Variants in TENM2 observed in about 807,000 individuals in gnomAD.
The protein encoded by TENM2 is teneurin transmembrane protein 2.
In TENM2, 52 loss-of-function variants were observed where a neutral mutation model predicts 245.2. The ratio of observed to expected loss-of-function variants is 0.21; its 90% CI spans 0.17 to 0.27. The LOEUF (loss-of-function observed/expected upper bound fraction) is 0.27. Among genes scored for constraint, TENM2 ranks in the 10% least tolerant of loss-of-function variants. The pLI is 1.00. For missense variants in TENM2, 3,046 were observed against 3,666.8 expected, an observed-to-expected ratio of 0.83 and a Z score of 4.37; for synonymous variants, 1,363 against 1,438.9, an observed-to-expected ratio of 0.95 and a Z score of 1.19.
At chr5:167,478,283 A>G (rs1767527732) in intron 2 of TENM2, among the ~76,000 whole-genome samples, 1 of 152,222 alleles carries the variant, frequency 6.6e-6, no homozygotes, top group Non-Finnish European at 1.5e-5. Flanking sequence ...TTGCTTTTAC[A>G]TAGAAGAGTA....
chr5:167,728,965 T>G (rs1760229892), intron 2 of TENM2: 1 of 152,246 alleles, frequency 6.6e-6, no homozygotes, highest in Non-Finnish European at 1.5e-5. Context: ...CAAACACTTG[T>G]CATTTAAAGG....
the TENM2 span, among the ~76,000 whole-genome samples, chr5:167,009,764 T>C: frequency 6.6e-6 from 1 of 152,178 alleles, no homozygotes; most frequent in East Asian, 1.9e-4. Flanking sequence ...AGCTTAAATC[T>C]AGTTCCCTGC....
At chr5:167,834,661 T>TTTTTTTTTTTTTTTTTTC in intron 2 of TENM2, among the ~76,000 whole-genome samples, 1 of 124,802 alleles carries the variant, frequency 8.0e-6, no homozygotes, top group Non-Finnish European at 1.8e-5. Flanking sequence ...TTTTTTTTTT[T>TTTTTTTTTTTTTTTTTTC]CTTTTTGAGA....
intron 2 of TENM2, among the ~76,000 whole-genome samples, chr5:167,710,573 A>G (rs559115108): frequency 1.8e-4 from 27 of 152,328 alleles, no homozygotes; most frequent in African/African-American, 6.3e-4. Context: ...AGGTGTGACA[A>G]TGAGAAATAG....
chr5:167,920,168 G>A (rs553441230), intron 3 of TENM2, among the ~76,000 whole-genome samples: 43 of 151,992 alleles, frequency 2.8e-4, no homozygotes, highest in African/African-American at 1.0e-3. Context: ...AATGAATGAG[G>A]ATTAAACGCC....
chr5:167,049,952 C>T, the TENM2 span, among the ~76,000 whole-genome samples: 3 of 152,124 alleles, frequency 2.0e-5, no homozygotes, highest in African/African-American at 7.2e-5. Context: ...TAACAGTAAG[C>T]ATGAGATGTA....
chr5:168,219,177 C>T (rs1171178311), intron 23 of TENM2, among the ~76,000 whole-genome samples, 178 bp downstream of exon 25: 3 of 152,198 alleles, frequency 2.0e-5, no homozygotes, highest in African/African-American at 4.8e-5. Context: ...ATGATTTGCT[C>T]TAATGGATCT....
chr5:167,053,619 C>T, the TENM2 span, among the ~76,000 whole-genome samples: 1 of 152,042 alleles, frequency 6.6e-6, no homozygotes, highest in South Asian at 2.1e-4. Context: ...GCCTGCAGTG[C>T]CAGTTACTTG....
the TENM2 span, among the ~76,000 whole-genome samples, chr5:167,202,971 C>T: frequency 0.022 from 3,405 of 152,168 alleles, 126 homozygotes; most frequent in African/African-American, 0.077. Context: ...CCACATTTTA[C>T]GGATGAGGGA....
chr5:168,051,196 T>A (rs578152578), intron 6 of TENM2, among the ~76,000 whole-genome samples: 2 of 152,344 alleles, frequency 1.3e-5, no homozygotes, highest in African/African-American at 4.8e-5. Context: ...AACTATCAAG[T>A]ATAGAATTGC....
chr5:167,681,221 C>T (rs1756683895), intron 2 of TENM2, among the ~76,000 whole-genome samples: 1 of 152,158 alleles, frequency 6.6e-6, no homozygotes, highest in Non-Finnish European at 1.5e-5. Context: ...TCTATATGCA[C>T]ACGGACACAC....
chr5:167,529,523 C>G (rs539667408), intron 2 of TENM2, among the ~76,000 whole-genome samples: 3 of 152,284 alleles, frequency 2.0e-5, no homozygotes, highest in Admixed American at 6.5e-5. Flanking sequence ...ACTTTCCTGT[C>G]TTTTGTAGAG....
intron 25 of TENM2, among the ~76,000 whole-genome samples, chr5:168,231,793 A>C (rs1236320209): frequency 6.6e-6 from 1 of 152,144 alleles, no homozygotes; most frequent in Non-Finnish European, 1.5e-5. Context: ...AAAAAAAAAA[A>C]AAGTTTAAAT....
At position 168,014,567 on chromosome 5, in the gene TENM2, T is replaced by G. The variant is rs180872551; in HGVS notation, c.1186+21385T>G. The stretch of plus-strand genomic sequence containing the variant: ...AAAAAAAAATTTTTCCACAAAGGCT[T>G]TCTTTGCTGCCTTAGAAACGCAAAT... On this transcript the variant is annotated intron_variant, in intron 5 of 28. Coordinates refer to ENST00000518659, the Ensembl canonical transcript of TENM2. Among the ~76,000 whole-genome samples, 53 of 152,318 alleles carry G rather than the reference T, an allele frequency of 3.5e-4. No individual in the cohort carries two copies. The East Asian group carries it at 9.8e-3, about 28-fold the overall frequency.
chr5:168,034,153 A>G (rs1352633251), intron 5 of TENM2, among the ~76,000 whole-genome samples: 67 of 104,438 alleles, frequency 6.4e-4, no homozygotes, highest in African/African-American at 1.2e-3. Context: ...ATATATGTGT[A>G]TATATATATG....
At chr5:167,492,220 A>T (rs186276584) in intron 2 of TENM2, among the ~76,000 whole-genome samples, 1 of 152,138 alleles carries the variant, frequency 6.6e-6, no homozygotes, top group Non-Finnish European at 1.5e-5. Context: ...TTTATGAGGC[A>T]GTATAGGGTA....
chr5:167,397,845 C>G (rs1335431491), intron 2 of TENM2, among the ~76,000 whole-genome samples: 1 of 152,168 alleles, frequency 6.6e-6, no homozygotes, highest in Admixed American at 6.5e-5. Flanking sequence ...ATCATTTTCT[C>G]TAGAATCCAC....
chr5:167,243,516 T>C, the TENM2 span, among the ~76,000 whole-genome samples: 9 of 148,820 alleles, frequency 6.0e-5, no homozygotes, highest in Non-Finnish European at 1.4e-4. Flanking sequence ...CAAAGAATTG[T>C]TGTAGTGAGT....
Position 167,417,620 on chromosome 5 carries a change from T to G in TENM2, c.502+42147T>G, listed in dbSNP as rs538351454. ...ACTGTGCTAAGTGCTTTCCATACAT[T>G]ATCTAGTTTAAGCATCATGGCATTC... On this transcript the variant is annotated intron_variant, in intron 2 of 28. Transcript: ENST00000518659. Among the ~76,000 whole-genome samples, 788 of 152,272 alleles carry G rather than the reference T, an allele frequency of 5.2e-3. 6 individuals carry two copies. The highest frequency in any genetic ancestry group is 0.018 in the African/African-American group (736 of 41,552).
Sources: allele counts gnomAD v4.1 joint callset (sites outside exome capture counted in the v4.1 genomes callset), GRCh38; gene constraint gnomAD v4.1.1; transcripts MANE v1.5; gene names NCBI Gene and HGNC (gene_info 2026-07-23, HGNC 2026-07-21).